The following TMEM147 variants were observed in gnomAD, a reference collection of about 807,000 sequenced individuals.
TMEM147 encodes the protein transmembrane protein 147, also known as BOS complex subunit TMEM147.
Under a neutral mutation model 29.4 loss-of-function variants are expected in TMEM147, and 29 were observed. That is an observed-to-expected ratio of 0.99 (90% CI 0.73 to 1.34). The LOEUF (loss-of-function observed/expected upper bound fraction) is 1.34, where lower values mean the gene tolerates loss of function less well. Among genes scored for constraint, TMEM147 ranks in the 40% most tolerant of loss-of-function variants. The pLI is 0.00. For synonymous variants in TMEM147, 121 were observed against 111.8 expected, an observed-to-expected ratio of 1.08 and a Z score of -0.52; for missense variants, 260 against 289.4, an observed-to-expected ratio of 0.90 and a Z score of 0.74.
intron 2 of TMEM147, 188 bp from the exon 3 acceptor site, chr19:35,546,338 G>A (rs2146301009): frequency 1.5e-6 from 1 of 676,982 alleles, no homozygotes; most frequent in Non-Finnish European, 2.5e-6. Flanking sequence ...AGCCCCCTCG[G>A]GGACCCGGGG....
In TMEM147 at chr19:35,546,580, A is replaced by G. The variant is rs1305722758; in HGVS notation, c.202A>G (p.Ile68Val). The G allele has an allele frequency of 6.2e-7, 1 of 1,613,196 alleles. No individual in the cohort carries two copies. Among genetic ancestry groups the G allele is most frequent in the Non-Finnish European group, 8.5e-7 (1 of 1,179,706 alleles). Residue 68 changes from isoleucine to valine, a missense_variant, in exon 3 of 7, where the codon ATT becomes GTT. Transcript: ENST00000222284. ...PTWEGGIYDF[I>V]GEFMKASVDV... ...CTGGGAAGGCGGCATCTATGACTTCATTGGGGTGAGAGGGGCCAGGGAAGG... is the reference window on the plus strand; with the variant it reads ...CTGGGAAGGCGGCATCTATGACTTCGTTGGGGTGAGAGGGGCCAGGGAAGG...
Position 35,546,047 on chromosome 19 carries a change from C to T in TMEM147, c.147+90C>T, listed in dbSNP as rs1012314914. 4 of 1,443,884 alleles carry T rather than the reference C, an allele frequency of 2.8e-6. No individual in the cohort carries two copies. In the African/African-American group the frequency reaches 5.6e-5, roughly 20 times the overall value. 89.4% of individuals were successfully genotyped at this position (1,443,884 alleles called of 1,614,324 possible). A position where few individuals can be genotyped will look rare whatever the true frequency, so the allele number is the denominator to read the frequency against. On this transcript the variant is annotated intron_variant, in intron 2 of 6. Coordinates refer to ENST00000222284, the MANE Select transcript of TMEM147 (RefSeq NM_032635.4). ...CGTTGCCTATCCGCGCCCCCGCCGC[C>T]CCACGGTGGGACCGCCCTCGGGACT...
chr19:35,546,934 G>A lies in TMEM147; in HGVS notation c.345-11G>A. ...TGAGTACTGGAGAATCCCATCCTTTGCCTTCCTCAGCTGCATTCCCCTATG... is the reference window on the plus strand; with the variant it reads ...TGAGTACTGGAGAATCCCATCCTTTACCTTCCTCAGCTGCATTCCCCTATG... On this transcript the variant is annotated splice_polypyrimidine_tract_variant and intron_variant, in intron 4 of 6. Transcript: ENST00000222284. 1 of 1,614,136 alleles carries A rather than the reference G, an allele frequency of 6.2e-7. No individual in the cohort carries two copies. The highest frequency in any genetic ancestry group is 1.1e-5 in the South Asian group (1 of 91,086).
rs946491069 is a variant in TMEM147 at position 35,545,641 on chromosome 19, A to G, written c.-99A>G. The G allele has an allele frequency of 3.7e-6, 5 of 1,347,018 alleles. No homozygotes were observed. The highest frequency in any genetic ancestry group is 1.5e-5 in the African/African-American group (1 of 68,640). 83.4% of individuals were successfully genotyped at this position (1,347,018 alleles called of 1,614,324 possible). On this transcript the variant is annotated 5_prime_UTR_variant, in exon 1 of 7. Transcript: ENST00000222284. ...GGCCCCCGCCAGTCAGGTGGGTGCC[A>G]GGCCCTGGCCGTGGCGAAAGAGCCG...
chr19:35,547,015 T>G lies in TMEM147; in HGVS notation c.415T>G (p.Ser139Ala), dbSNP rs2071566642. 3.1e-6 allele frequency: 5 copies of G among 1,614,178 alleles called. No individual in the cohort carries two copies. Among genetic ancestry groups the G allele is most frequent in the Non-Finnish European group, 4.2e-6 (5 of 1,180,032 alleles). Residue 139 changes from serine to alanine, a missense_variant, in exon 5 of 7, where the codon TCC becomes GCC. By Grantham distance (99) the Ser-to-Ala change is moderately conservative (BLOSUM62 1). Transcript: ENST00000222284. ...GAAGTACATCCAGATGAGCATAGAC[T>G]CCAACATCAGTCTGGTAGGCAGTCG... Reference protein sequence around the residue: ...DWKYIQMSIDSNISLVHYIVA... With the variant: ...DWKYIQMSIDANISLVHYIVA...
In TMEM147 at chr19:35,547,073, C is replaced by A; in HGVS notation, c.429+44C>A. On this transcript the variant is annotated intron_variant, in intron 5 of 6. Transcript: ENST00000222284. ...CCACATACACATTTCTGCTGGCGGCCATACTCCTCCCCAAGGCCTGGCCCC... is the reference window on the plus strand; with the variant it reads ...CCACATACACATTTCTGCTGGCGGCAATACTCCTCCCCAAGGCCTGGCCCC... 3 of 1,614,214 alleles carry A rather than the reference C, an allele frequency of 1.9e-6. 1 individual carries two copies. The South Asian group carries it at 3.3e-5, about 18-fold the overall frequency.
chr19:35,546,235 C>A (rs2146300875), intron 2 of TMEM147: 1 of 600,670 alleles, frequency 1.7e-6, no homozygotes. Context: ...TAAGAGTGAT[C>A]ACTGATTCCG....
At chr19:35,546,049 C>G in intron 2 of TMEM147, 92 bp downstream of exon 2, 1 of 1,403,592 alleles carries the variant, frequency 7.1e-7, no homozygotes, top group Non-Finnish European at 9.8e-7. Flanking sequence ...CCCGCCGCCC[C>G]ACGGTGGGAC....
Position 35,545,835 on chromosome 19 carries a change from CG to C in TMEM147, c.77+23del. ...GCGGCCTGTGAGTGCGGGAAGGGCGCGGGGCGGAGAGGGCGCGGGGCCCGGG... is the reference window on the plus strand; with the variant it reads ...GCGGCCTGTGAGTGCGGGAAGGGCGCGGGCGGAGAGGGCGCGGGGCCCGGG... On this transcript the variant is annotated intron_variant, in intron 1 of 6. Transcript: ENST00000222284. 1 of 1,613,876 alleles carries C rather than the reference CG, an allele frequency of 6.2e-7. No individual in the cohort carries two copies.
chr19:35,545,718 G>A lies in TMEM147; in HGVS notation c.-22G>A. Reference sequence around the variant, plus strand: ...ACGCCGCCTCGCGATCCCCGCGCGGGCGGGACCGGGCGGCCGGCATCATGA... The same window carrying A: ...ACGCCGCCTCGCGATCCCCGCGCGGACGGGACCGGGCGGCCGGCATCATGA... On this transcript the variant is annotated 5_prime_UTR_variant, in exon 1 of 7. Coordinates refer to ENST00000222284, the MANE Select transcript of TMEM147 (RefSeq NM_032635.4). The A allele has an allele frequency of 6.2e-7, 1 of 1,606,240 alleles. No individual in the cohort carries two copies. The highest frequency in any genetic ancestry group is 8.5e-7 in the Non-Finnish European group (1 of 1,179,004).
rs1252716390 is a variant in TMEM147 at position 35,545,748 on chromosome 19, G to T, written c.9G>T (p.Leu3=). 1 of 1,612,432 alleles carries T rather than the reference G, an allele frequency of 6.2e-7. No homozygotes were observed. The highest frequency in any genetic ancestry group is 8.5e-7 in the Non-Finnish European group (1 of 1,179,858). MT[L]FHFGNCFALA... ...ACCGGGCGGCCGGCATCATGACCCT[G>T]TTTCACTTCGGGAACTGCTTCGCTC... is the stretch of plus-strand genomic sequence containing the variant. Residue 3 remains leucine, a synonymous_variant, in exon 1 of 7, where the codon CTG becomes CTT. Coordinates refer to ENST00000222284, the MANE Select transcript of TMEM147 (RefSeq NM_032635.4).
rs1296730424 is a variant in TMEM147, at chr19:35,545,726, G to A, written c.-14G>A. The A allele has an allele frequency of 3.1e-6, 5 of 1,608,262 alleles. No homozygotes were observed. ...TCGCGATCCCCGCGCGGGCGGGACC[G>A]GGCGGCCGGCATCATGACCCTGTTT... On this transcript the variant is annotated 5_prime_UTR_variant, in exon 1 of 7. Transcript: ENST00000222284.
At chr19:35,546,468 C>T (rs764848116) in intron 2 of TMEM147, 58 bp from the exon 3 acceptor site, 1 of 1,554,208 alleles carries the variant, frequency 6.4e-7, no homozygotes, top group Non-Finnish European at 8.7e-7. Context: ...ACAAATCCCA[C>T]GTGGTTTATC....
rs772494539 is a variant in TMEM147 at position 35,546,984 on chromosome 19, T to C, written c.384T>C (p.Phe128=). The change falls in exon 5 of 7, where the codon TTT becomes TTC. Residue 128 remains phenylalanine (F), a synonymous_variant. Transcript: ENST00000222284. ...PLWVGARGIE[F]DWKYIQMSID... ...GGGTCGGAGCCCGGGGCATTGAGTT[T>C]GACTGGAAGTACATCCAGATGAGCA... 2.5e-6 allele frequency: 4 copies of C among 1,614,204 alleles called. No homozygotes were observed. The highest frequency in any genetic ancestry group is 1.6e-4 in the Middle Eastern group (1 of 6,062).
At position 35,547,487 on chromosome 19, in the gene TMEM147, C is replaced by T. The variant is rs1199114448; in HGVS notation, c.*40C>T. On this transcript the variant is annotated 3_prime_UTR_variant, in exon 7 of 7. Coordinates refer to ENST00000222284, the MANE Select transcript of TMEM147 (RefSeq NM_032635.4). ...ACATTGATGTACCTTTTCCCTGCCT[C>T]ACTCCAGGTTTTAGTGAAGTAAACA... The T allele has an allele frequency of 3.1e-6, 5 of 1,604,860 alleles. No individual in the cohort carries two copies. The highest frequency in any genetic ancestry group is 4.3e-6 in the Non-Finnish European group (5 of 1,174,470).
chr19:35,545,763 C>A lies in TMEM147; in HGVS notation c.24C>A (p.Asn8Lys), dbSNP rs760520075. The part of the protein sequence containing the change: MTLFHFG[N>K]CFALAYFPYF... ...TCATGACCCTGTTTCACTTCGGGAA[C>A]TGCTTCGCTCTTGCCTACTTCCCCT... The change falls in exon 1 of 7, where the codon AAC becomes AAA. Residue 8 changes from asparagine to lysine, a missense_variant. By Grantham distance (94) the Asn-to-Lys change is moderately conservative. Coordinates refer to ENST00000222284, the MANE Select transcript of TMEM147 (RefSeq NM_032635.4). 1 of 1,613,298 alleles carries A rather than the reference C, an allele frequency of 6.2e-7. No individual in the cohort carries two copies. The highest frequency in any genetic ancestry group is 1.7e-5 in the Admixed American group (1 of 60,030).
Position 35,546,805 on chromosome 19 carries a change from C to G in TMEM147, c.341C>G (p.Ser114Cys), listed in dbSNP as rs1568311170. 1 of 1,614,140 alleles carries G rather than the reference C, an allele frequency of 6.2e-7. No individual in the cohort carries two copies. The change falls in exon 4 of 7, where the codon TCC becomes TGC. Residue 114 changes from serine (S) to cysteine (C), a missense_variant. By Grantham distance (112) the Ser-to-Cys change is moderately radical. Transcript: ENST00000222284. Reference protein sequence around the residue: ...LGWATAELIMSRCIPLWVGAR... With the variant: ...LGWATAELIMCRCIPLWVGAR... The stretch of plus-strand genomic sequence containing the variant: ...TGGGCCACTGCTGAGCTTATTATGT[C>G]CCGGTGCGTACAGCAGCCTGGAGCC...
Position 35,546,078 on chromosome 19 carries a change from C to G in TMEM147, c.147+121C>G, listed in dbSNP as rs2071553277. On this transcript the variant is annotated intron_variant, in intron 2 of 6. Coordinates refer to ENST00000222284, the MANE Select transcript of TMEM147 (RefSeq NM_032635.4). ...GTGGGACCGCCCTCGGGACTCCGCACTGGGAGGCGTCAGGATACCTAGAGA... is the reference window on the plus strand; with the variant it reads ...GTGGGACCGCCCTCGGGACTCCGCAGTGGGAGGCGTCAGGATACCTAGAGA... 26 of 1,115,840 alleles carry G rather than the reference C, an allele frequency of 2.3e-5. No individual in the cohort carries two copies. The South Asian group carries it at 3.5e-4, about 15-fold the overall frequency. The allele number at this position is 1,115,840 out of a possible 1,614,324, so 69.1% of individuals were successfully genotyped here.
At chr19:35,546,854 G>T in intron 4 of TMEM147, 46 bp downstream of exon 4, 1 of 1,614,166 alleles carries the variant, frequency 6.2e-7, no homozygotes, top group Non-Finnish European at 8.5e-7. Context: ...AGGGACACCT[G>T]GGTTCCACGG....
Sources: allele counts gnomAD v4.1 joint callset, GRCh38; gene constraint gnomAD v4.1.1; transcripts MANE v1.5; gene names NCBI Gene and HGNC (gene_info 2026-07-23, HGNC 2026-07-21).